The following TAF3 variants were observed in gnomAD, a reference collection of about 807,000 sequenced individuals.
The protein encoded by TAF3 is TATA-box binding protein associated factor 3.
A neutral mutation model predicts 80.6 loss-of-function variants in TAF3; 7 were observed. That is an observed-to-expected ratio of 0.09 (90% CI 0.05 to 0.16). The LOEUF (loss-of-function observed/expected upper bound fraction) is 0.16, where lower values mean the gene tolerates loss of function less well. Ranked by LOEUF, TAF3 falls within the 10% of genes least tolerant of loss-of-function variation. TAF3 has a pLI of 1.00. For synonymous variants in TAF3, 444 were observed against 446.1 expected (o/e 1.00, Z 0.06); for missense variants, 921 against 1,140.2 (o/e 0.81, Z 2.77).
chr10:7,928,149 AC>A (rs1434110067), intron 2 of TAF3, among the ~76,000 whole-genome samples: 3 of 152,080 alleles, frequency 2.0e-5, no homozygotes, highest in African/African-American at 7.2e-5. Context: ...TGATTTAGAG[AC>A]CTTTGACCTT....
At chr10:7,839,352 C>G (rs1027191533) in intron 2 of TAF3, among the ~76,000 whole-genome samples, 4 of 152,218 alleles carry the variant, frequency 2.6e-5, no homozygotes, top group Admixed American at 6.5e-5. Flanking sequence ...GTCCTACACT[C>G]ATTCTCCATT....
chr10:7,879,369 A>G (rs1328808678), intron 2 of TAF3, among the ~76,000 whole-genome samples: 1 of 152,146 alleles, frequency 6.6e-6, no homozygotes, highest in East Asian at 1.9e-4. Flanking sequence ...TAACATACTC[A>G]TGCATAATTG....
chr10:7,958,473 CAT>C (rs888991356), intron 2 of TAF3, among the ~76,000 whole-genome samples: 3 of 150,686 alleles, frequency 2.0e-5, no homozygotes, highest in African/African-American at 7.3e-5. Flanking sequence ...ATCTCAGAAA[CAT>C]AATGTTGGGT....
intron 2 of TAF3, among the ~76,000 whole-genome samples, chr10:7,915,026 C>T (rs1370049175): frequency 2.0e-5 from 3 of 150,698 alleles, no homozygotes; most frequent in East Asian, 2.0e-4. Flanking sequence ...CTGCAAGCTC[C>T]GCCTCCTGGG....
At chr10:7,845,815 C>T (rs1362738950) in intron 2 of TAF3, among the ~76,000 whole-genome samples, 1 of 152,100 alleles carries the variant, frequency 6.6e-6, no homozygotes, top group Non-Finnish European at 1.5e-5. Flanking sequence ...AATAGCATTG[C>T]TTTCTTGACA....
At chr10:7,834,439 G>T (rs973034280) in intron 2 of TAF3, among the ~76,000 whole-genome samples, 55 of 151,824 alleles carry the variant, frequency 3.6e-4, no homozygotes, top group African/African-American at 1.3e-3. Context: ...TTGTCTCCAC[G>T]CTGGGAAATA....
At chr10:7,884,287 C>A (rs184578989) in intron 2 of TAF3, among the ~76,000 whole-genome samples, 28 of 152,126 alleles carry the variant, frequency 1.8e-4, no homozygotes, top group Non-Finnish European at 3.7e-4. Context: ...TGTCATTGTT[C>A]TTTGGACAGT....
intron 4 of TAF3, among the ~76,000 whole-genome samples, chr10:7,981,955 T>A (rs1831729996): frequency 6.6e-6 from 1 of 152,186 alleles, no homozygotes; most frequent in Non-Finnish European, 1.5e-5. Flanking sequence ...TTCCAGTTAA[T>A]GCTTTTTGAC....
At chr10:7,839,094 T>C (rs1836884257) in intron 2 of TAF3, among the ~76,000 whole-genome samples, 1 of 151,972 alleles carries the variant, frequency 6.6e-6, no homozygotes, top group South Asian at 2.1e-4. Context: ...CTTGACATGT[T>C]AGTTACTTGC....
rs1837283545 is a variant in TAF3, at chr10:7,873,259, C to T, written c.409+48699C>T. ...TTTTTTTCTAACTTTATGAAATACT[C>T]TAGCTAAAAAGTTGGCTCTGTTGAA... is the stretch of plus-strand genomic sequence containing the variant. On this transcript the variant is annotated intron_variant, in intron 2 of 6. Transcript: ENST00000344293. 3.3e-5 allele frequency among the ~76,000 whole-genome samples: 5 copies of T among 151,860 alleles called. No individual in the cohort carries two copies. The South Asian group carries it at 1.0e-3, about 32-fold the overall frequency.
rs192078859 is a variant in TAF3 at position 7,947,487 on chromosome 10, C to A, written c.410-16433C>A. ...GTAAGGGAGTGCAGTGGCAATGAGGCCAGGTAAGAAAGCTACTGGGAGGCG... is the reference window on the plus strand; with the variant it reads ...GTAAGGGAGTGCAGTGGCAATGAGGACAGGTAAGAAAGCTACTGGGAGGCG... On this transcript the variant is annotated intron_variant, in intron 2 of 6. Coordinates refer to ENST00000344293, the MANE Select transcript of TAF3 (RefSeq NM_031923.4). Among the ~76,000 whole-genome samples the A allele has an allele frequency of 2.6e-3, 389 of 152,262 alleles. 2 individuals are homozygous for A. The highest frequency in any genetic ancestry group is 8.6e-3 in the African/African-American group (358 of 41,550).
At chr10:7,990,736 T>C (rs1416348240) in intron 4 of TAF3, among the ~76,000 whole-genome samples, 1 of 152,200 alleles carries the variant, frequency 6.6e-6, no homozygotes, top group Non-Finnish European at 1.5e-5. Context: ...CAAAGGTCTC[T>C]GTAGGGCCTG....
At chr10:7,891,014 T>C (rs1210095576) in intron 2 of TAF3, among the ~76,000 whole-genome samples, 2 of 152,214 alleles carry the variant, frequency 1.3e-5, no homozygotes, top group Non-Finnish European at 2.9e-5. Context: ...CCAGTACACA[T>C]GGAAGCGTTG....
At chr10:7,990,090 G>A (rs1831819798) in intron 4 of TAF3, among the ~76,000 whole-genome samples, 2 of 152,106 alleles carry the variant, frequency 1.3e-5, no homozygotes, top group Admixed American at 1.3e-4. Flanking sequence ...AACTAGTAGA[G>A]CACTTCTGGC....
intron 4 of TAF3, among the ~76,000 whole-genome samples, chr10:7,985,924 T>C (rs1831772354): frequency 6.6e-6 from 1 of 151,740 alleles, no homozygotes; most frequent in Non-Finnish European, 1.5e-5. Context: ...GCTGGGACTA[T>C]GGGCACCCGC....
At chr10:7,950,090 A>G (rs4749399) in intron 2 of TAF3, among the ~76,000 whole-genome samples, 1 of 152,116 alleles carries the variant, frequency 6.6e-6, no homozygotes, top group Non-Finnish European at 1.5e-5. Context: ...ATGGTGGTTT[A>G]GCAGCAGAAG....
At chr10:7,980,222 C>T (rs1831713047) in intron 4 of TAF3, among the ~76,000 whole-genome samples, 2 of 152,272 alleles carry the variant, frequency 1.3e-5, no homozygotes, top group South Asian at 4.1e-4. Context: ...GCAGAATCAT[C>T]TTTTGAAATT....
At chr10:7,880,042 C>T (rs1258815653) in intron 2 of TAF3, among the ~76,000 whole-genome samples, 3 of 152,050 alleles carry the variant, frequency 2.0e-5, no homozygotes, top group Admixed American at 6.6e-5. Context: ...AACCCTGTCT[C>T]TACAAAAAAT....
At chr10:7,820,783 C>T (rs1836682853) in intron 1 of TAF3, among the ~76,000 whole-genome samples, 1 of 152,252 alleles carries the variant, frequency 6.6e-6, no homozygotes, top group Non-Finnish European at 1.5e-5. Context: ...GCATGAGCCA[C>T]CATGCCCAGC....
Sources: allele counts gnomAD v4.1 joint callset (sites outside exome capture counted in the v4.1 genomes callset), GRCh38; gene constraint gnomAD v4.1.1; transcripts MANE v1.5; gene names NCBI Gene and HGNC (gene_info 2026-07-23, HGNC 2026-07-21).